ST6GAL1: variants seen among roughly 807,000 people sequenced by gnomAD.
ST6GAL1 encodes beta-galactoside alpha-2,6-sialyltransferase 1.
ST6GAL1 carries 20 observed loss-of-function variants against 38.0 expected under a neutral mutation model. The ratio of observed to expected loss-of-function variants is 0.53; its 90% CI spans 0.37 to 0.77. ST6GAL1 has a LOEUF of 0.77. Among genes scored for constraint, ST6GAL1 ranks in the 30% least tolerant of loss-of-function variants. The pLI, the probability that ST6GAL1 is intolerant of heterozygous loss-of-function variation, is 0.00. For missense variants in ST6GAL1, 432 were observed against 496.4 expected, an observed-to-expected ratio of 0.87 and a Z score of 1.23; for synonymous variants, 196 against 188.2, an observed-to-expected ratio of 1.04 and a Z score of -0.34.
At chr3:186,992,370 C>T (rs1716202297) in intron 2 of ST6GAL1, among the ~76,000 whole-genome samples, 2 of 152,102 alleles carry the variant, frequency 1.3e-5, no homozygotes, top group Admixed American at 1.3e-4. Flanking sequence ...CCTGAGGCCT[C>T]CCAAGCCATG....
chr3:186,971,317 C>T (rs541469165), intron 2 of ST6GAL1, among the ~76,000 whole-genome samples: 7 of 152,354 alleles, frequency 4.6e-5, no homozygotes, highest in Non-Finnish European at 7.3e-5. Flanking sequence ...AGTCTGGTCT[C>T]GAACTCCTGA....
chr3:186,986,153 G>A (rs977469206), intron 2 of ST6GAL1, among the ~76,000 whole-genome samples: 1 of 152,158 alleles, frequency 6.6e-6, no homozygotes, highest in Non-Finnish European at 1.5e-5. Context: ...TTAGGTTGCC[G>A]TTTGAGGAAG....
chr3:186,945,722 C>T (rs1039251895), intron 1 of ST6GAL1, among the ~76,000 whole-genome samples: 4 of 152,068 alleles, frequency 2.6e-5, no homozygotes, highest in Admixed American at 1.3e-4. Context: ...CACGGTGGCT[C>T]ATGCCTGTAA....
chr3:187,015,302 A>C (rs1717080321), intron 2 of ST6GAL1, among the ~76,000 whole-genome samples: 1 of 152,212 alleles, frequency 6.6e-6, no homozygotes, highest in African/African-American at 2.4e-5. Context: ...TATTCTCAAA[A>C]GTAAAAATCC....
At chr3:187,033,389 A>G (rs944555634) in intron 2 of ST6GAL1, among the ~76,000 whole-genome samples, 3 of 152,000 alleles carry the variant, frequency 2.0e-5, no homozygotes, top group African/African-American at 7.3e-5. Flanking sequence ...GCCTGGGCCG[A>G]CAGAGAGAGA....
intron 2 of ST6GAL1, among the ~76,000 whole-genome samples, chr3:187,003,331 G>A (rs1258004097): frequency 6.6e-6 from 1 of 152,148 alleles, no homozygotes; most frequent in Non-Finnish European, 1.5e-5. Context: ...GGGGCAATCT[G>A]CTGTACTCAG....
chr3:187,026,922 A>C (rs1403294977), intron 2 of ST6GAL1, among the ~76,000 whole-genome samples: 2 of 151,900 alleles, frequency 1.3e-5, no homozygotes, highest in African/African-American at 4.8e-5. Flanking sequence ...GGTGGCGGGC[A>C]CCTGTAGTCC....
intron 2 of ST6GAL1, among the ~76,000 whole-genome samples, chr3:187,023,740 G>A (rs982236783): frequency 1.3e-5 from 2 of 152,004 alleles, no homozygotes; most frequent in Admixed American, 6.5e-5. Context: ...GTTGTGGGGT[G>A]GGGGGAACGG....
chr3:186,953,698 A>G (rs536243468), intron 1 of ST6GAL1, among the ~76,000 whole-genome samples: 55 of 152,336 alleles, frequency 3.6e-4, no homozygotes, highest in African/African-American at 1.3e-3. Context: ...CTCAGGTATC[A>G]TAGGCATAAT....
intron 1 of ST6GAL1, among the ~76,000 whole-genome samples, chr3:186,941,243 T>TGGTA (rs1291043975): frequency 6.6e-6 from 1 of 151,972 alleles, no homozygotes; most frequent in Non-Finnish European, 1.5e-5. Context: ...GGCACTTAAG[T>TGGTA]GGTAGGGAGG....
chr3:186,987,186 G>GGGAGGGAGGGAA (rs1553821949), intron 2 of ST6GAL1, among the ~76,000 whole-genome samples: 89 of 122,246 alleles, frequency 7.3e-4, no homozygotes, highest in Non-Finnish European at 9.5e-4. Flanking sequence ...GAGACAGGGA[G>GGGAGGGAGGGAA]GGAGGGAGGG....
chr3:186,941,487 T>C (rs1714170687), intron 1 of ST6GAL1, among the ~76,000 whole-genome samples: 1 of 152,076 alleles, frequency 6.6e-6, no homozygotes, highest in Non-Finnish European at 1.5e-5. Context: ...GACTTTCTAG[T>C]CTGCAAGAGA....
At chr3:187,074,014 G>A in intron 6 of ST6GAL1, 145 bp from the exon 7 acceptor site, 1 of 670,710 alleles carries the variant, frequency 1.5e-6, no homozygotes, top group Non-Finnish European at 2.3e-6. Context: ...GAAACCTGTA[G>A]TCTGCTGCAA....
At position 187,075,311 on chromosome 3, in the gene ST6GAL1, C is replaced by T. The variant is rs996036241; in HGVS notation, c.980-251C>T. On this transcript the variant is annotated intron_variant, in intron 7 of 7. Transcript: ENST00000169298. The surrounding 1 kb of genome is among the most constrained non-coding windows in gnomAD (Gnocchi z 4.1). ...TAATCTACTAGCATTTAGGGAGGATCTATTATTCACCAGGCCCTGGCCTAG... is the reference window on the plus strand; with the variant it reads ...TAATCTACTAGCATTTAGGGAGGATTTATTATTCACCAGGCCCTGGCCTAG... 2.0e-5 allele frequency among the ~76,000 whole-genome samples: 3 copies of T among 152,198 alleles called. No homozygotes were observed. The highest frequency in any genetic ancestry group is 4.4e-5 in the Non-Finnish European group (3 of 68,046).
chr3:186,993,154 C>T (rs866567730), intron 2 of ST6GAL1, among the ~76,000 whole-genome samples: 2 of 152,134 alleles, frequency 1.3e-5, no homozygotes, highest in Admixed American at 1.3e-4. Flanking sequence ...TGCAGGTACT[C>T]GATAAACACC....
At chr3:186,983,172 C>A (rs1383765355) in intron 2 of ST6GAL1, among the ~76,000 whole-genome samples, 3 of 152,168 alleles carry the variant, frequency 2.0e-5, no homozygotes, top group Non-Finnish European at 4.4e-5. Context: ...TGTTTCCATT[C>A]ATTCACCAAA....
At chr3:187,051,181 T>G in intron 4 of ST6GAL1, 68 bp from the exon 5 acceptor site, 6 of 1,334,530 alleles carry the variant, frequency 4.5e-6, no homozygotes, top group Non-Finnish European at 6.5e-6. Context: ...CCCCCGCCTC[T>G]CGTCTTTCTC....
intron 2 of ST6GAL1, among the ~76,000 whole-genome samples, chr3:187,035,850 G>A (rs1253873938): frequency 6.7e-6 from 1 of 150,188 alleles, no homozygotes; most frequent in Non-Finnish European, 1.5e-5. Context: ...CCTTGGGAAA[G>A]GATTTATGAC....
intron 2 of ST6GAL1, among the ~76,000 whole-genome samples, chr3:186,971,196 C>T (rs924864493): frequency 6.6e-6 from 1 of 152,240 alleles, no homozygotes; most frequent in Non-Finnish European, 1.5e-5. Flanking sequence ...TCAAGCGATT[C>T]TTCTGCCTCA....
Sources: allele counts gnomAD v4.1 joint callset (sites outside exome capture counted in the v4.1 genomes callset), GRCh38; gene constraint gnomAD v4.1.1; non-coding constraint Gnocchi (gnomAD v3.1); transcripts MANE v1.5; gene names NCBI Gene and HGNC (gene_info 2026-07-23, HGNC 2026-07-21).